Variants in AKAP13 observed in about 807,000 individuals in gnomAD.
The protein encoded by AKAP13 is A-kinase anchoring protein 13, also known as A-kinase anchor protein 13.
In AKAP13, 80 loss-of-function variants were observed where a neutral mutation model predicts 264.5. The ratio of observed to expected loss-of-function variants is 0.30; its 90% CI spans 0.25 to 0.36. AKAP13 has a LOEUF of 0.36. Among genes scored for constraint, AKAP13 ranks in the 10% least tolerant of loss-of-function variants. The probability of loss-of-function intolerance (pLI) is 1.00; values close to 1 mark genes in which losing one functional copy is unlikely to be tolerated. For synonymous variants in AKAP13, 1,380 were observed against 1,250.2 expected (o/e 1.10, Z -2.19); for missense variants, 3,712 against 3,435.2 (o/e 1.08, Z -2.01).
intron 1 of AKAP13, among the ~76,000 whole-genome samples, chr15:85,381,212 G>A (rs894524527): frequency 4.6e-5 from 7 of 152,110 alleles, no homozygotes; most frequent in African/African-American, 1.4e-4. Context: ...CCCTGGGGCG[G>A]GCGGCCGCGG....
chr15:85,626,870 T>C (rs574793082), intron 8 of AKAP13, among the ~76,000 whole-genome samples: 1 of 152,314 alleles, frequency 6.6e-6, no homozygotes, highest in East Asian at 1.9e-4. Context: ...CCACCAGCAA[T>C]GAACAAGAAT....
chr15:85,722,775 A>G (rs988797883), intron 25 of AKAP13, among the ~76,000 whole-genome samples: 3 of 152,220 alleles, frequency 2.0e-5, no homozygotes, highest in Non-Finnish European at 2.9e-5. Flanking sequence ...ATAAAAAAAA[A>G]AAAACTTGGT....
At chr15:85,740,974 G>C in intron 34 of AKAP13, 72 bp from the exon 35 acceptor site, 1 of 1,534,500 alleles carries the variant, frequency 6.5e-7, no homozygotes. Flanking sequence ...CCTGCTGTGG[G>C]GTCGGGAGGG....
intron 1 of AKAP13, among the ~76,000 whole-genome samples, chr15:85,388,215 T>A (rs1321083961): frequency 6.6e-6 from 1 of 151,912 alleles, no homozygotes; most frequent in African/African-American, 2.4e-5. Context: ...TTTGTATTTT[T>A]TTTTTTTTAA....
At position 85,718,171 on chromosome 15, in the gene AKAP13, C is replaced by T. The variant is rs755119924; in HGVS notation, c.6001+12C>T. 5.0e-6 allele frequency: 8 copies of T among 1,612,840 alleles called. No individual in the cohort carries two copies. On this transcript the variant is annotated intron_variant, in intron 22 of 36. Coordinates refer to ENST00000394518, the MANE Select transcript of AKAP13 (RefSeq NM_007200.5). The surrounding 1 kb of genome is among the most constrained non-coding windows in gnomAD (Gnocchi z 4.9). ...AGAAGTAATATATGGTGAGAGTCTTCATTTTGCTCTGATTATATTTGATTT... is the reference window on the plus strand; with the variant it reads ...AGAAGTAATATATGGTGAGAGTCTTTATTTTGCTCTGATTATATTTGATTT...
In AKAP13 at chr15:85,460,824, A is replaced by G. The variant is rs149512218; in HGVS notation, c.-11-24886A>G. On this transcript the variant is annotated intron_variant, in intron 1 of 36. Transcript: ENST00000394518. ...ATGCAAGTGCCCACTAGAAGCTGCA[A>G]TAAAGGTCAGGGAGAAAGATTTTCC... Among the ~76,000 whole-genome samples, 725 of 152,372 alleles carry G rather than the reference A, an allele frequency of 4.8e-3. 1 individual carries two copies. The highest frequency in any genetic ancestry group is 6.0e-3 in the Non-Finnish European group (410 of 68,032).
At chr15:85,662,703 A>C (rs750707828) in intron 12 of AKAP13, among the ~76,000 whole-genome samples, 8 of 152,188 alleles carry the variant, frequency 5.3e-5, no homozygotes, top group Non-Finnish European at 1.2e-4. Context: ...GCACAGATTT[A>C]TCTCTCTCTG....
intron 3 of AKAP13, among the ~76,000 whole-genome samples, chr15:85,525,443 A>G (rs1250355117): frequency 6.6e-6 from 1 of 152,226 alleles, no homozygotes; most frequent in African/African-American, 2.4e-5. Flanking sequence ...GCTGAAAAGA[A>G]TGTCCTGTCT....
intron 8 of AKAP13, among the ~76,000 whole-genome samples, chr15:85,602,003 A>G (rs77590624): frequency 0.081 from 12,303 of 151,986 alleles, 788 homozygotes; most frequent in East Asian, 0.36. Context: ...GCCTATTGCA[A>G]TATATTGTTT....
In AKAP13 at chr15:85,734,084, C is replaced by T. The variant is rs573534486; in HGVS notation, c.7283-908C>T. ...CTGACCTCAGGTGATCTGCCCGCCTCGGCCTCCCGAAGTGCTGGGATTACA... is the reference window on the plus strand; with the variant it reads ...CTGACCTCAGGTGATCTGCCCGCCTTGGCCTCCCGAAGTGCTGGGATTACA... On this transcript the variant is annotated intron_variant, in intron 30 of 36. Coordinates refer to ENST00000394518, the MANE Select transcript of AKAP13 (RefSeq NM_007200.5). Among the ~76,000 whole-genome samples the T allele has an allele frequency of 5.3e-5, 8 of 152,094 alleles. No individual in the cohort carries two copies. The South Asian group carries it at 6.2e-4, about 12-fold the overall frequency.
intron 2 of AKAP13, among the ~76,000 whole-genome samples, chr15:85,486,948 C>A (rs2075571058): frequency 6.6e-6 from 1 of 152,038 alleles, no homozygotes; most frequent in Non-Finnish European, 1.5e-5. Context: ...CCATGTTTGC[C>A]AGGGTGGTCT....
chr15:85,470,994 A>G (rs922743037), intron 1 of AKAP13, among the ~76,000 whole-genome samples: 1 of 152,130 alleles, frequency 6.6e-6, no homozygotes, highest in Non-Finnish European at 1.5e-5. Flanking sequence ...TTAGTTACCT[A>G]GTTTTATGTA....
chr15:85,714,515 C>T (rs570996837), intron 19 of AKAP13, among the ~76,000 whole-genome samples: 1 of 152,366 alleles, frequency 6.6e-6, no homozygotes, highest in East Asian at 1.9e-4. Context: ...AGAAGAATCA[C>T]TTGAGCCTGT....
chr15:85,450,811 T>C lies in AKAP13; in HGVS notation c.-11-34899T>C, dbSNP rs568681262. Among the ~76,000 whole-genome samples, 5 of 152,364 alleles carry C rather than the reference T, an allele frequency of 3.3e-5. No homozygotes were observed. The East Asian group carries it at 9.6e-4, about 29-fold the overall frequency. On this transcript the variant is annotated intron_variant, in intron 1 of 36. Transcript: ENST00000394518. ...TTTTAGAGTATGTGCCATGTCGTGATGAGAAGAATGTATATTCTGTTGCTT... is the reference window on the plus strand; with the variant it reads ...TTTTAGAGTATGTGCCATGTCGTGACGAGAAGAATGTATATTCTGTTGCTT...
intron 8 of AKAP13, among the ~76,000 whole-genome samples, chr15:85,609,238 A>T (rs1362977715): frequency 6.6e-6 from 1 of 152,112 alleles, no homozygotes; most frequent in African/African-American, 2.4e-5. Context: ...ATGACTCTTT[A>T]CCCATTGACC....
intron 1 of AKAP13, among the ~76,000 whole-genome samples, chr15:85,422,806 G>A (rs979773083): frequency 5.9e-5 from 9 of 152,166 alleles, no homozygotes; most frequent in African/African-American, 2.2e-4. Flanking sequence ...ATATTTTCTG[G>A]TTGTGAAAAA....
intron 2 of AKAP13, among the ~76,000 whole-genome samples, chr15:85,509,878 C>T (rs887390553): frequency 9.2e-5 from 14 of 152,196 alleles, no homozygotes; most frequent in Admixed American, 7.9e-4. Flanking sequence ...TAGTTTGTAG[C>T]CTCTGTCACC....
intron 1 of AKAP13, among the ~76,000 whole-genome samples, chr15:85,484,936 A>G (rs1390360929): frequency 1.3e-5 from 2 of 152,176 alleles, no homozygotes; most frequent in Non-Finnish European, 2.9e-5. Flanking sequence ...TAGTAAAGTC[A>G]CTTGGTTCTG....
chr15:85,677,174 C>T, intron 14 of AKAP13: 2 of 976,758 alleles, frequency 2.0e-6, no homozygotes, highest in Non-Finnish European at 1.2e-6. Flanking sequence ...AGGCTTGGTA[C>T]TAAGAAATTG....
Sources: allele counts gnomAD v4.1 joint callset (sites outside exome capture counted in the v4.1 genomes callset), GRCh38; gene constraint gnomAD v4.1.1; non-coding constraint Gnocchi (gnomAD v3.1); transcripts MANE v1.5; gene names NCBI Gene and HGNC (gene_info 2026-07-23, HGNC 2026-07-21).